The following TMEM132D variants were observed in gnomAD, a reference collection of about 807,000 sequenced individuals.
TMEM132D encodes transmembrane protein 132D.
Under a neutral mutation model 62.3 loss-of-function variants are expected in TMEM132D, and 21 were observed. That is an observed-to-expected ratio of 0.34 (90% CI 0.24 to 0.49). TMEM132D has a LOEUF of 0.49. Among genes scored for constraint, TMEM132D ranks in the 20% least tolerant of loss-of-function variants. TMEM132D has a pLI of 0.99. For missense variants in TMEM132D, 1,346 were observed against 1,402.8 expected (o/e 0.96, Z 0.65); for synonymous variants, 621 against 575.6 (o/e 1.08, Z -1.13).
intron 3 of TMEM132D, among the ~76,000 whole-genome samples, chr12:129,354,013 C>A (rs1000988372): frequency 6.6e-6 from 1 of 152,084 alleles, no homozygotes; most frequent in South Asian, 2.1e-4. Flanking sequence ...AAAATCTAAA[C>A]CTTTCCACCA....
chr12:129,246,859 A>G (rs184722932), intron 4 of TMEM132D, among the ~76,000 whole-genome samples: 2 of 152,250 alleles, frequency 1.3e-5, no homozygotes. Flanking sequence ...TGGCAATAGG[A>G]AAAAGTTACA....
At chr12:129,280,794 C>T (rs923478444) in intron 4 of TMEM132D, among the ~76,000 whole-genome samples, 1 of 151,842 alleles carries the variant, frequency 6.6e-6, no homozygotes, top group South Asian at 2.1e-4. Context: ...ATTTATTCAT[C>T]TATCTATCTT....
chr12:129,808,016 C>CA (rs1414212315), intron 1 of TMEM132D, among the ~76,000 whole-genome samples: 18 of 152,184 alleles, frequency 1.2e-4, no homozygotes, highest in African/African-American at 4.1e-4. Context: ...TAGCAAAACT[C>CA]AGAGTAGGGT....
chr12:129,293,975 C>T (rs1027752479), intron 4 of TMEM132D, among the ~76,000 whole-genome samples: 1 of 152,088 alleles, frequency 6.6e-6, no homozygotes, highest in Non-Finnish European at 1.5e-5. Flanking sequence ...AGAGGGGGGC[C>T]CCACAGTAAC....
At chr12:129,356,657 T>TAAAA (rs1870061354) in intron 3 of TMEM132D, among the ~76,000 whole-genome samples, 3 of 59,916 alleles carry the variant, frequency 5.0e-5, no homozygotes, top group African/African-American at 2.4e-4. Flanking sequence ...GTCTCTACAA[T>TAAAA]AAATAAATAA....
chr12:129,769,658 TG>T (rs1392847145), intron 1 of TMEM132D, among the ~76,000 whole-genome samples: 1 of 152,144 alleles, frequency 6.6e-6, no homozygotes, highest in Non-Finnish European at 1.5e-5. Flanking sequence ...AAGAGAGTCT[TG>T]GGGAAGAATT....
At chr12:129,153,676 G>T (rs1877145463) in intron 5 of TMEM132D, among the ~76,000 whole-genome samples, 1 of 152,092 alleles carries the variant, frequency 6.6e-6, no homozygotes, top group Non-Finnish European at 1.5e-5. Context: ...CAGGAGGGTG[G>T]CTTTTCATAG....
chr12:129,268,654 C>T (rs1593317380), intron 4 of TMEM132D, among the ~76,000 whole-genome samples: 1 of 151,518 alleles, frequency 6.6e-6, no homozygotes, highest in African/African-American at 2.4e-5. Context: ...AGAACCCAGA[C>T]ATCCCATTAC....
intron 1 of TMEM132D, among the ~76,000 whole-genome samples, chr12:129,774,394 C>T (rs1274572251): frequency 6.6e-6 from 1 of 152,200 alleles, no homozygotes; most frequent in Non-Finnish European, 1.5e-5. Context: ...GACTGAACCT[C>T]TGTCTTGGTT....
intron 3 of TMEM132D, among the ~76,000 whole-genome samples, chr12:129,427,207 C>T (rs949573460): frequency 9.9e-5 from 15 of 152,090 alleles, no homozygotes; most frequent in African/African-American, 3.1e-4. Context: ...TGGTAAAAGA[C>T]AGGAAAACAA....
chr12:129,219,828 C>CTCCA (rs1442382862), intron 4 of TMEM132D, among the ~76,000 whole-genome samples: 1 of 152,134 alleles, frequency 6.6e-6, no homozygotes, highest in East Asian at 1.9e-4. Flanking sequence ...GAGATCAAGG[C>CTCCA]TCCACATGCC....
chr12:129,458,340 T>A (rs913231561), intron 3 of TMEM132D, among the ~76,000 whole-genome samples: 2 of 151,086 alleles, frequency 1.3e-5, no homozygotes, highest in African/African-American at 4.9e-5. Flanking sequence ...ATTTAAACAA[T>A]AAAAAATGGT....
chr12:129,163,199 T>C (rs898695560), intron 5 of TMEM132D, among the ~76,000 whole-genome samples: 20 of 152,288 alleles, frequency 1.3e-4, no homozygotes, highest in Admixed American at 1.2e-3. Flanking sequence ...ACAATACAAG[T>C]TGTAATTGTG....
At chr12:129,712,883 T>C (rs1830612546) in intron 1 of TMEM132D, among the ~76,000 whole-genome samples, 1 of 152,036 alleles carries the variant, frequency 6.6e-6, no homozygotes, top group Admixed American at 6.6e-5. Flanking sequence ...GGGAGGCTTA[T>C]GTTGAGAAAA....
At chr12:129,290,368 T>G (rs1379300201) in intron 4 of TMEM132D, among the ~76,000 whole-genome samples, 1 of 151,948 alleles carries the variant, frequency 6.6e-6, no homozygotes, top group African/African-American at 2.4e-5. Context: ...GCTAAGACGC[T>G]GAGACTTCAA....
chr12:129,384,337 G>A (rs1471251647), intron 3 of TMEM132D, among the ~76,000 whole-genome samples: 1 of 152,132 alleles, frequency 6.6e-6, no homozygotes, highest in Non-Finnish European at 1.5e-5. Context: ...GCTCCACCAC[G>A]CTGTCCGAGG....
intron 4 of TMEM132D, among the ~76,000 whole-genome samples, chr12:129,325,638 T>G (rs1050753878): frequency 2.6e-5 from 4 of 152,162 alleles, no homozygotes; most frequent in Non-Finnish European, 5.9e-5. Flanking sequence ...CCAGCCTTCA[T>G]GAAAGGTGTT....
rs1006937408 is a variant in TMEM132D, at chr12:129,585,001, G to A, written c.969-53796C>T. ...TTAAAGTGTATGTGGCAGTTTCCTCGATTGCAAAATGAAGAAAATACTAGT... is the reference window on the plus strand; with the variant it reads ...TTAAAGTGTATGTGGCAGTTTCCTCAATTGCAAAATGAAGAAAATACTAGT... On this transcript the variant is annotated intron_variant, in intron 2 of 8. Transcript: ENST00000422113. Among the ~76,000 whole-genome samples the A allele has an allele frequency of 1.1e-4, 16 of 152,198 alleles. No homozygotes were observed. In the East Asian group the frequency reaches 2.3e-3, roughly 22 times the overall value.
intron 4 of TMEM132D, among the ~76,000 whole-genome samples, chr12:129,315,978 G>C (rs946999975): frequency 8.5e-5 from 13 of 152,074 alleles, no homozygotes; most frequent in Non-Finnish European, 1.9e-4. Context: ...AGTGGTGTCA[G>C]TTGTAATATC....
Sources: gnomAD v4.1 joint callset for allele counts (sites outside exome capture counted in the v4.1 genomes callset) on GRCh38, gnomAD v4.1.1 for gene constraint, MANE v1.5 for transcripts, NCBI Gene and HGNC (gene_info 2026-07-23, HGNC 2026-07-21) for gene names.